The following CADM2 variants were observed in gnomAD, a reference collection of about 807,000 sequenced individuals.
CADM2 encodes the protein immunoglobulin superfamily member 4D.
In CADM2, 12 loss-of-function variants were observed where a neutral mutation model predicts 49.8. The ratio of observed to expected loss-of-function variants is 0.24; its 90% CI spans 0.15 to 0.39. The LOEUF is 0.39. Among genes scored for constraint, CADM2 ranks in the 10% least tolerant of loss-of-function variants. The pLI, the probability that CADM2 is intolerant of heterozygous loss-of-function variation, is 1.00. For missense variants in CADM2, 378 were observed against 492.3 expected, an observed-to-expected ratio of 0.77 and a Z score of 2.20; for synonymous variants, 214 against 175.4, an observed-to-expected ratio of 1.22 and a Z score of -1.74.
chr3:84,965,376 A>T (rs1265979207), intron 1 of CADM2, among the ~76,000 whole-genome samples: 1 of 152,208 alleles, frequency 6.6e-6, no homozygotes, highest in Non-Finnish European at 1.5e-5. Context: ...GTCATGTGGC[A>T]TGAGAGTGAA....
At chr3:85,239,349 A>G (rs1170035781) in intron 1 of CADM2, among the ~76,000 whole-genome samples, 1 of 151,782 alleles carries the variant, frequency 6.6e-6, no homozygotes, top group Non-Finnish European at 1.5e-5. Flanking sequence ...AATATTGGTT[A>G]TTTCAAACTA....
chr3:85,473,402 G>A (rs1018737106), intron 1 of CADM2, among the ~76,000 whole-genome samples: 16 of 152,014 alleles, frequency 1.1e-4, no homozygotes, highest in Non-Finnish European at 2.1e-4. Context: ...GCCCTGCTCT[G>A]TATTCTTTAT....
intron 6 of CADM2, among the ~76,000 whole-genome samples, chr3:85,918,271 T>A (rs1015485058): frequency 2.0e-5 from 3 of 152,202 alleles, no homozygotes; most frequent in Admixed American, 6.5e-5. Flanking sequence ...GTCCATTCAG[T>A]ATGATATTGG....
intron 1 of CADM2, among the ~76,000 whole-genome samples, chr3:85,467,478 G>C (rs1204175476): frequency 1.3e-5 from 2 of 152,060 alleles, no homozygotes; most frequent in African/African-American, 4.8e-5. Context: ...AAGCTACTCT[G>C]TAAATTGGAT....
intron 1 of CADM2, among the ~76,000 whole-genome samples, chr3:85,111,912 T>C (rs1381114784): frequency 6.6e-6 from 1 of 151,850 alleles, no homozygotes; most frequent in Non-Finnish European, 1.5e-5. Flanking sequence ...TCTAATTTCG[T>C]TGTAGGATTC....
At chr3:86,038,762 CT>C in intron 8 of CADM2, among the ~76,000 whole-genome samples, 1 of 152,216 alleles carries the variant, frequency 6.6e-6, no homozygotes, top group Non-Finnish European at 1.5e-5. Context: ...CTTTTCCAAG[CT>C]TATGAAGTAA....
intron 1 of CADM2, among the ~76,000 whole-genome samples, chr3:85,491,267 C>T (rs1216415948): frequency 6.6e-6 from 1 of 152,058 alleles, no homozygotes; most frequent in Non-Finnish European, 1.5e-5. Context: ...AGTTATATGA[C>T]AGCTGAGAGA....
Position 84,984,925 on chromosome 3 carries a change from G to A in CADM2, c.61+25257G>A, listed in dbSNP as rs1478012461. Among the ~76,000 whole-genome samples, 3 of 152,074 alleles carry A rather than the reference G, an allele frequency of 2.0e-5. No homozygotes were observed. In the East Asian group the frequency reaches 5.8e-4, roughly 29 times the overall value. ...GTAACCTTGAAAACAAGCCATATTT[G>A]GTACCCAGAGCTTTATGAGACGGTG... On this transcript the variant is annotated intron_variant, in intron 1 of 9. Coordinates refer to ENST00000383699, the MANE Select transcript of CADM2 (RefSeq NM_001167675.2).
chr3:85,250,538 C>A (rs1447654895), intron 1 of CADM2, among the ~76,000 whole-genome samples: 3 of 151,344 alleles, frequency 2.0e-5, no homozygotes, highest in Non-Finnish European at 4.4e-5. Flanking sequence ...ACAAATTGAG[C>A]AAATGTATAC....
intron 6 of CADM2, among the ~76,000 whole-genome samples, chr3:85,932,965 G>A (rs964176380): frequency 2.6e-5 from 4 of 152,098 alleles, no homozygotes; most frequent in Admixed American, 2.0e-4. Flanking sequence ...CAGATCTAAA[G>A]GGAATGCTGA....
chr3:85,636,601 A>C lies in CADM2; in HGVS notation c.62-89921A>C, dbSNP rs531026798. Reference sequence around the variant, plus strand: ...CTACAGTAATGTACAAGAATGTCTTAAGCCTTCACATTCACTCACCACTTA... The same window carrying C: ...CTACAGTAATGTACAAGAATGTCTTCAGCCTTCACATTCACTCACCACTTA... On this transcript the variant is annotated intron_variant, in intron 1 of 9. Coordinates refer to ENST00000383699, the MANE Select transcript of CADM2 (RefSeq NM_001167675.2). Among the ~76,000 whole-genome samples the C allele has an allele frequency of 4.6e-5, 7 of 152,324 alleles. No homozygotes were observed. In the East Asian group the frequency reaches 9.7e-4, roughly 21 times the overall value.
At chr3:86,013,702 G>T in intron 8 of CADM2, 1 of 1,599,772 alleles carries the variant, frequency 6.3e-7, no homozygotes, top group African/African-American at 1.3e-5. Context: ...GAATCTCATA[G>T]CCTAAGAGAG....
chr3:85,807,193 G>T (rs2072486646), intron 3 of CADM2, among the ~76,000 whole-genome samples: 1 of 152,098 alleles, frequency 6.6e-6, no homozygotes, highest in African/African-American at 2.4e-5. Flanking sequence ...AACTATTGAA[G>T]ATATACATAG....
At chr3:85,381,110 T>C (rs1439910678) in intron 1 of CADM2, among the ~76,000 whole-genome samples, 2 of 152,022 alleles carry the variant, frequency 1.3e-5, no homozygotes, top group Non-Finnish European at 2.9e-5. Flanking sequence ...GAAGATAGGA[T>C]ATGTGTGTAT....
intron 1 of CADM2, among the ~76,000 whole-genome samples, chr3:85,584,930 G>A (rs1351465797): frequency 6.6e-6 from 1 of 152,054 alleles, no homozygotes; most frequent in Non-Finnish European, 1.5e-5. Flanking sequence ...GAATAAACCT[G>A]AAGAGAGATT....
chr3:85,580,276 G>T (rs926023546), intron 1 of CADM2, among the ~76,000 whole-genome samples: 1 of 152,008 alleles, frequency 6.6e-6, no homozygotes, highest in Non-Finnish European at 1.5e-5. Context: ...TCAACAGAAT[G>T]TATCAAATTG....
intron 1 of CADM2, among the ~76,000 whole-genome samples, chr3:85,671,794 G>A (rs1271244133): frequency 6.6e-6 from 1 of 152,114 alleles, no homozygotes; most frequent in East Asian, 1.9e-4. Flanking sequence ...CTTCTCATAT[G>A]TGTACCCTTT....
intron 8 of CADM2, among the ~76,000 whole-genome samples, chr3:86,056,329 CA>C: frequency 6.6e-6 from 1 of 152,060 alleles, no homozygotes; most frequent in East Asian, 1.9e-4. Context: ...CATTCACCAG[CA>C]AAAAAGATCG....
intron 1 of CADM2, among the ~76,000 whole-genome samples, chr3:85,554,969 G>A (rs559181886): frequency 6.6e-6 from 1 of 150,928 alleles, no homozygotes; most frequent in Non-Finnish European, 1.5e-5. Flanking sequence ...TCTCACCTTG[G>A]CCTCACAAAG....
Sources: gnomAD v4.1 joint callset for allele counts (sites outside exome capture counted in the v4.1 genomes callset) on GRCh38, gnomAD v4.1.1 for gene constraint, MANE v1.5 for transcripts, NCBI Gene and HGNC (gene_info 2026-07-23, HGNC 2026-07-21) for gene names.